The following SHISA9 variants were observed in gnomAD, a reference collection of about 807,000 sequenced individuals.
SHISA9 encodes protein shisa-9.
In SHISA9, 13 loss-of-function variants were observed where a neutral mutation model predicts 38.0. The observed-to-expected ratio is 0.34, with a 90% CI of 0.22 to 0.54. The LOEUF (loss-of-function observed/expected upper bound fraction) is 0.54, where lower values mean the gene tolerates loss of function less well. Among genes scored for constraint, SHISA9 ranks in the 20% least tolerant of loss-of-function variants. The pLI is 0.91. For synonymous variants in SHISA9, 275 were observed against 242.0 expected (o/e 1.14, Z -1.27); for missense variants, 538 against 575.8 (o/e 0.93, Z 0.67).
chr16:13,081,122 G>C, intron 2 of SHISA9, among the ~76,000 whole-genome samples: 1 of 152,218 alleles, frequency 6.6e-6, no homozygotes. Context: ...AGCCCTAAAT[G>C]ATGGAGAATT....
intron 3 of SHISA9, 26 bp from the exon 4 acceptor site, chr16:13,213,227 G>A (rs1318330702): frequency 1.3e-6 from 2 of 1,550,624 alleles, no homozygotes; most frequent in Non-Finnish European, 1.7e-6. Flanking sequence ...CAGATCATCA[G>A]CATTTCTTGA....
chr16:12,911,881 C>T (rs544424232), intron 1 of SHISA9, among the ~76,000 whole-genome samples: 12 of 152,304 alleles, frequency 7.9e-5, no homozygotes, highest in East Asian at 3.9e-4. Flanking sequence ...AGTATTAGGT[C>T]GGTGCAAGAG....
chr16:12,918,243 C>T (rs144705764), intron 2 of SHISA9, among the ~76,000 whole-genome samples: 61 of 152,160 alleles, frequency 4.0e-4, no homozygotes, highest in African/African-American at 1.3e-3. Flanking sequence ...TTGCTGTGTC[C>T]GATTCTGGCT....
At chr16:13,506,841 C>T in the SHISA9 span, among the ~76,000 whole-genome samples, 1 of 152,000 alleles carries the variant, frequency 6.6e-6, no homozygotes, top group Non-Finnish European at 1.5e-5. Context: ...CTGAGACCAG[C>T]CTGGGCAACA....
At chr16:12,911,542 G>T (rs76492296) in intron 1 of SHISA9, 35,022 of 244,190 alleles carry the variant, frequency 0.14, 2,655 homozygotes, top group South Asian at 0.28. Flanking sequence ...TTGAAAACCT[G>T]TTGCTAATTG....
chr16:13,535,496 C>T, the SHISA9 span, among the ~76,000 whole-genome samples: 2 of 152,206 alleles, frequency 1.3e-5, no homozygotes, highest in Non-Finnish European at 2.9e-5. Context: ...AGCCAGCCAG[C>T]AACCTGTTCT....
chr16:13,255,573 G>A, the SHISA9 span, among the ~76,000 whole-genome samples: 1 of 152,210 alleles, frequency 6.6e-6, no homozygotes, highest in Admixed American at 6.5e-5. Flanking sequence ...AGATCTGGCT[G>A]ATTCCAAAGC....
At chr16:13,461,451 AG>A in the SHISA9 span, among the ~76,000 whole-genome samples, 1 of 152,006 alleles carries the variant, frequency 6.6e-6, no homozygotes, top group East Asian at 2.0e-4. Flanking sequence ...TGGTGGCACA[AG>A]CCTGTAAACC....
intron 2 of SHISA9, among the ~76,000 whole-genome samples, chr16:13,202,207 C>T (rs1193770598): frequency 7.8e-6 from 1 of 128,942 alleles, no homozygotes; most frequent in Admixed American, 7.7e-5. Context: ...ACACTGTATT[C>T]TCTAGCTGTG....
intron 2 of SHISA9, among the ~76,000 whole-genome samples, chr16:13,181,211 T>C (rs2050773709): frequency 6.9e-6 from 1 of 145,910 alleles, no homozygotes; most frequent in East Asian, 2.0e-4. Context: ...CTATGGTGGG[T>C]AGAGCAGATT....
the SHISA9 span, among the ~76,000 whole-genome samples, chr16:13,270,231 A>G: frequency 1.3e-5 from 2 of 152,144 alleles, no homozygotes; most frequent in Admixed American, 6.6e-5. Context: ...TGAGACAAGG[A>G]GTAGGACTTT....
chr16:13,235,068 C>A lies in SHISA9; in HGVS notation c.934C>A (p.His312Asn). The change falls in exon 5 of 5, where the codon CAC becomes AAC. Residue 312 changes from histidine (H) to asparagine (N), a missense_variant. By Grantham distance (68) the His-to-Asn change is moderately conservative (BLOSUM62 1). Coordinates refer to ENST00000558583, the MANE Select transcript of SHISA9 (RefSeq NM_001145204.3). ...VNDDFYTKRR[H>N]LAELAAKGNL... is the part of the protein sequence containing the mutation. Reference sequence around the variant, plus strand: ...TGACGACTTCTACACCAAGCGACGGCACCTGGCTGAGCTGGCTGCCAAGGG... The same window carrying A: ...TGACGACTTCTACACCAAGCGACGGAACCTGGCTGAGCTGGCTGCCAAGGG... 4 of 1,551,476 alleles carry A rather than the reference C, an allele frequency of 2.6e-6. No individual in the cohort carries two copies. The highest frequency in any genetic ancestry group is 3.5e-6 in the Non-Finnish European group (4 of 1,146,924).
the SHISA9 span, among the ~76,000 whole-genome samples, chr16:13,349,372 C>A: frequency 6.6e-6 from 1 of 152,152 alleles, no homozygotes; most frequent in Non-Finnish European, 1.5e-5. Flanking sequence ...AGAATGAGAG[C>A]GGTTGAAGTG....
chr16:13,136,724 T>C (rs1567223985), intron 2 of SHISA9, among the ~76,000 whole-genome samples: 2 of 152,168 alleles, frequency 1.3e-5, no homozygotes, highest in African/African-American at 4.8e-5. Flanking sequence ...ATAGGTAGTC[T>C]GATCACTTCA....
intron 2 of SHISA9, among the ~76,000 whole-genome samples, chr16:13,123,209 C>G (rs1403912429): frequency 6.6e-6 from 1 of 152,068 alleles, no homozygotes; most frequent in Non-Finnish European, 1.5e-5. Flanking sequence ...ATTAAAAAGA[C>G]AAGTTAGTAA....
At chr16:13,434,310 C>G in the SHISA9 span, among the ~76,000 whole-genome samples, 3 of 152,142 alleles carry the variant, frequency 2.0e-5, no homozygotes, top group African/African-American at 7.2e-5. Context: ...AGATGTTCAT[C>G]TCCTTTGACA....
At chr16:13,275,191 A>G in the SHISA9 span, among the ~76,000 whole-genome samples, 1 of 152,148 alleles carries the variant, frequency 6.6e-6, no homozygotes, top group Non-Finnish European at 1.5e-5. Context: ...TTTCTCTTAC[A>G]TAATGAGGTT....
chr16:13,165,773 T>C (rs2050630271), intron 2 of SHISA9, among the ~76,000 whole-genome samples: 1 of 152,232 alleles, frequency 6.6e-6, no homozygotes, highest in African/African-American at 2.4e-5. Context: ...TGCTGTGTAT[T>C]TATTAAGATT....
At chr16:13,349,712 C>A in the SHISA9 span, among the ~76,000 whole-genome samples, 1 of 152,150 alleles carries the variant, frequency 6.6e-6, no homozygotes, top group Admixed American at 6.5e-5. Context: ...TAGAAAGGTG[C>A]TATTAAATCA....
Sources: allele counts gnomAD v4.1 joint callset (sites outside exome capture counted in the v4.1 genomes callset), GRCh38; gene constraint gnomAD v4.1.1; transcripts MANE v1.5; gene names NCBI Gene and HGNC (gene_info 2026-07-23, HGNC 2026-07-21).